The following SPMIP9 variants were observed in gnomAD, a reference collection of about 807,000 sequenced individuals.
SPMIP9 encodes sperm microtubule inner protein 9.
At chr2:88,527,339 CA>C in the SPMIP9 span, among the ~76,000 whole-genome samples, 2 of 152,208 alleles carry the variant, frequency 1.3e-5, no homozygotes, top group East Asian at 3.9e-4. Context: ...ATAAAAAATA[CA>C]AAAATTAGCC....
the SPMIP9 span, chr2:88,529,124 ACAGAT>A: frequency 6.2e-7 from 1 of 1,614,084 alleles, no homozygotes; most frequent in Non-Finnish European, 8.5e-7. Context: ...CCCCAAGCTA[ACAGAT>A]GGGTACCCTG....
chr2:88,525,677 T>C, the SPMIP9 span: 9 of 1,613,856 alleles, frequency 5.6e-6, no homozygotes, highest in African/African-American at 1.2e-4. Flanking sequence ...GACAGGTGAG[T>C]GATGTGGGTT....
chr2:88,525,528 T>G, the SPMIP9 span: 1 of 1,155,092 alleles, frequency 8.7e-7, no homozygotes, highest in South Asian at 1.2e-5. Context: ...TGGGGAGGAG[T>G]GGGCTAAGAA....
At chr2:88,529,016 C>G in the SPMIP9 span, 8 of 1,581,208 alleles carry the variant, frequency 5.1e-6, no homozygotes, top group Non-Finnish European at 6.9e-6. Flanking sequence ...TCTTGTCTCT[C>G]TCACCCCTCC....
the SPMIP9 span, chr2:88,529,232 A>C: frequency 6.2e-7 from 1 of 1,614,142 alleles, no homozygotes; most frequent in Non-Finnish European, 8.5e-7. Flanking sequence ...GGACGAGCGC[A>C]AGTTCACCAG....
chr2:88,529,128 A>G, the SPMIP9 span: 38 of 1,614,044 alleles, frequency 2.4e-5, no homozygotes, highest in Non-Finnish European at 3.0e-5. Context: ...AAGCTAACAG[A>G]TGGGTACCCT....
chr2:88,528,292 G>A, the SPMIP9 span, among the ~76,000 whole-genome samples: 2 of 150,206 alleles, frequency 1.3e-5, no homozygotes, highest in African/African-American at 2.5e-5. Context: ...CATGCACCAC[G>A]ACACCCAGCT....
At chr2:88,526,557 C>A in the SPMIP9 span, 1 of 1,298,280 alleles carries the variant, frequency 7.7e-7, no homozygotes, top group Non-Finnish European at 1.1e-6. Context: ...CTCTCTGTTG[C>A]TTCATTTGTA....
chr2:88,528,574 C>T, the SPMIP9 span, among the ~76,000 whole-genome samples: 2 of 152,162 alleles, frequency 1.3e-5, no homozygotes, highest in African/African-American at 2.4e-5. Context: ...TTTCCTTTAT[C>T]ATTTTCTCTT....
chr2:88,528,035 T>A, the SPMIP9 span, among the ~76,000 whole-genome samples: 1 of 152,208 alleles, frequency 6.6e-6, no homozygotes, highest in East Asian at 1.9e-4. Flanking sequence ...ATTTGCTATT[T>A]TATAAAATGT....
the SPMIP9 span, chr2:88,529,362 C>T: frequency 1.9e-6 from 3 of 1,614,192 alleles, no homozygotes; most frequent in Non-Finnish European, 2.5e-6. Flanking sequence ...CAGCCTGCTG[C>T]AGAGATGGCC....
the SPMIP9 span, chr2:88,529,304 C>G: frequency 6.2e-7 from 1 of 1,614,178 alleles, no homozygotes; most frequent in Non-Finnish European, 8.5e-7. Context: ...TGACCCCAAC[C>G]AGGTCCTCCA....
chr2:88,527,930 T>G, the SPMIP9 span, among the ~76,000 whole-genome samples: 1 of 152,192 alleles, frequency 6.6e-6, no homozygotes, highest in Non-Finnish European at 1.5e-5. Context: ...TTTTAATTTT[T>G]GCCAGTTTGG....
chr2:88,528,928 A>G, the SPMIP9 span: 2 of 914,734 alleles, frequency 2.2e-6, no homozygotes, highest in Non-Finnish European at 3.3e-6. Flanking sequence ...GTTACCATTC[A>G]AGGACTAATT....
chr2:88,529,188 T>G, the SPMIP9 span: 63 of 1,614,038 alleles, frequency 3.9e-5, no homozygotes, highest in Non-Finnish European at 4.9e-5. Flanking sequence ...CTCCCCGGCT[T>G]CTTCCCATCA....
the SPMIP9 span, among the ~76,000 whole-genome samples, chr2:88,527,427 G>A: frequency 6.3e-4 from 95 of 151,172 alleles, no homozygotes; most frequent in Middle Eastern, 6.8e-3. Context: ...CTGGGAGGTG[G>A]GGCGAGACTC....
chr2:88,526,451 A>G, the SPMIP9 span: 34 of 1,614,160 alleles, frequency 2.1e-5, no homozygotes, highest in Middle Eastern at 1.7e-4. Flanking sequence ...ATGGTCGACT[A>G]TCAGCCCTAC....
the SPMIP9 span, chr2:88,526,338 C>T: frequency 8.0e-7 from 1 of 1,249,576 alleles, no homozygotes; most frequent in Non-Finnish European, 1.2e-6. Context: ...AGCAAGAAGC[C>T]ATTGAATGGC....
the SPMIP9 span, among the ~76,000 whole-genome samples, chr2:88,527,670 C>T: frequency 6.6e-6 from 1 of 152,088 alleles, no homozygotes; most frequent in African/African-American, 2.4e-5. Context: ...CTGTATCTGT[C>T]TCTTCTTATT....
Sources: allele counts gnomAD v4.1 joint callset (sites outside exome capture counted in the v4.1 genomes callset), GRCh38; gene constraint gnomAD v4.1.1; transcripts MANE v1.5; gene names NCBI Gene and HGNC (gene_info 2026-07-23, HGNC 2026-07-21).